The following TBC1D5 variants were observed in gnomAD, a reference collection of about 807,000 sequenced individuals.
The protein encoded by TBC1D5 is TBC1 domain family member 5, also known as TBC1 domain family, member 5.
TBC1D5 carries 75 observed loss-of-function variants against 100.3 expected under a neutral mutation model. The ratio of observed to expected loss-of-function variants is 0.75; its 90% CI spans 0.62 to 0.91. The LOEUF is 0.91. TBC1D5 is among the 40% of genes least tolerant of loss of function. TBC1D5 has a pLI of 0.00. For missense variants in TBC1D5, 910 were observed against 942.4 expected (o/e 0.97, Z 0.45); for synonymous variants, 323 against 325.6 (o/e 0.99, Z 0.09).
At chr3:17,541,623 A>G (rs931809674) in intron 2 of TBC1D5, among the ~76,000 whole-genome samples, 7 of 152,230 alleles carry the variant, frequency 4.6e-5, no homozygotes, top group Non-Finnish European at 1.0e-4. Flanking sequence ...GTAAGACTAC[A>G]TATCATCTGT....
intron 3 of TBC1D5, among the ~76,000 whole-genome samples, chr3:17,498,995 T>C (rs1576372477): frequency 2.6e-5 from 4 of 152,092 alleles, no homozygotes; most frequent in Admixed American, 2.6e-4. Context: ...CTACTTTGGT[T>C]GGGGGGTGGC....
intron 1 of TBC1D5, among the ~76,000 whole-genome samples, chr3:17,657,610 C>G (rs2066218842): frequency 6.6e-6 from 1 of 152,168 alleles, no homozygotes; most frequent in Non-Finnish European, 1.5e-5. Flanking sequence ...GCTGGGATTA[C>G]AGGCGTGAGC....
intron 14 of TBC1D5, among the ~76,000 whole-genome samples, chr3:17,297,783 TCCCACTACGTTGC>T (rs1041871521): frequency 6.8e-6 from 1 of 147,574 alleles, no homozygotes; most frequent in Admixed American, 6.9e-5. Context: ...GAGACGGGGG[TCCCACTACGTTGC>T]CCAGGCTGGT....
chr3:17,224,589 T>C (rs1057114338), intron 17 of TBC1D5, among the ~76,000 whole-genome samples: 1 of 152,004 alleles, frequency 6.6e-6, no homozygotes, highest in African/African-American at 2.4e-5. Flanking sequence ...AGCAAGGGTA[T>C]AAACTAACGA....
At chr3:17,490,089 A>C (rs1482117807) in intron 3 of TBC1D5, among the ~76,000 whole-genome samples, 1 of 152,086 alleles carries the variant, frequency 6.6e-6, no homozygotes, top group African/African-American at 2.4e-5. Flanking sequence ...GCATTTCTCT[A>C]ATGATCAATG....
rs565808265 is a variant in TBC1D5 at position 17,214,366 on chromosome 3, T to C, written c.1593A>G (p.Leu531=). Reference sequence around the variant, plus strand: ...GAGATGAACTGATGTTTTTAGAACTTAGCCCTGTAAGAAAAATTAAGTAGC... The same window carrying C: ...GAGATGAACTGATGTTTTTAGAACTCAGCCCTGTAAGAAAAATTAAGTAGC... Residue 531 remains leucine, a synonymous_variant, in exon 18 of 22, where the codon CTA becomes CTG. Transcript: ENST00000253692. 6 of 1,610,862 alleles carry C rather than the reference T, an allele frequency of 3.7e-6. No homozygotes were observed. The African/African-American group carries it at 5.3e-5, about 14-fold the overall frequency.
At chr3:17,193,924 G>C (rs1456548002) in intron 18 of TBC1D5, among the ~76,000 whole-genome samples, 1 of 152,178 alleles carries the variant, frequency 6.6e-6, no homozygotes, top group Middle Eastern at 3.2e-3. Context: ...GGATATATTT[G>C]AAGCTTGCTT....
At chr3:17,729,142 A>G (rs1465755925) in intron 1 of TBC1D5, among the ~76,000 whole-genome samples, 1 of 151,872 alleles carries the variant, frequency 6.6e-6, no homozygotes, top group African/African-American at 2.4e-5. Context: ...AAAAACAATG[A>G]TTTACAACAC....
intron 4 of TBC1D5, among the ~76,000 whole-genome samples, chr3:17,418,768 G>C (rs570765181): frequency 4.3e-4 from 65 of 152,262 alleles, no homozygotes; most frequent in African/African-American, 1.5e-3. Context: ...TCATAGGTAA[G>C]GGCATAATTT....
At chr3:17,350,111 A>T (rs1281492667) in intron 13 of TBC1D5, among the ~76,000 whole-genome samples, 1 of 152,176 alleles carries the variant, frequency 6.6e-6, no homozygotes, top group Non-Finnish European at 1.5e-5. Flanking sequence ...TATGGAGCTG[A>T]AGCTAATCGT....
chr3:17,722,437 G>T (rs543368552), intron 1 of TBC1D5, among the ~76,000 whole-genome samples: 1 of 152,048 alleles, frequency 6.6e-6, no homozygotes, highest in South Asian at 2.1e-4. Context: ...ACAATATTTT[G>T]TGCATAAAAC....
intron 1 of TBC1D5, among the ~76,000 whole-genome samples, chr3:17,689,705 A>T (rs888453735): frequency 6.6e-6 from 1 of 152,174 alleles, no homozygotes; most frequent in African/African-American, 2.4e-5. Context: ...ATCATACAGG[A>T]ATACAATAGT....
At chr3:17,684,869 G>A (rs2070033291) in intron 1 of TBC1D5, among the ~76,000 whole-genome samples, 1 of 151,924 alleles carries the variant, frequency 6.6e-6, no homozygotes, top group Non-Finnish European at 1.5e-5. Context: ...AAATTTATTC[G>A]TCAAGAATCC....
intron 3 of TBC1D5, among the ~76,000 whole-genome samples, chr3:17,435,331 T>C (rs1213019077): frequency 6.6e-6 from 1 of 152,192 alleles, no homozygotes; most frequent in Non-Finnish European, 1.5e-5. Context: ...TAGTACCTTA[T>C]CACATTGCTA....
intron 3 of TBC1D5, among the ~76,000 whole-genome samples, chr3:17,435,548 A>G (rs764943689): frequency 6.6e-6 from 1 of 152,190 alleles, no homozygotes. Flanking sequence ...GTGAGAACTC[A>G]CATAATATCA....
chr3:17,407,568 C>A (rs1262665482), intron 4 of TBC1D5, among the ~76,000 whole-genome samples: 3 of 152,124 alleles, frequency 2.0e-5, no homozygotes, highest in Admixed American at 6.6e-5. Context: ...ACTGGCCAGA[C>A]CCTACTTATT....
intron 3 of TBC1D5, among the ~76,000 whole-genome samples, chr3:17,471,670 CAAA>C (rs753132440): frequency 9.0e-5 from 2 of 22,288 alleles, no homozygotes; most frequent in Non-Finnish European, 1.9e-4. Flanking sequence ...GACTCCGTCT[CAAA>C]AAAAAAAAAA....
rs561770400 is a variant in TBC1D5, at chr3:17,532,951, C to T, written c.-35-24346G>A. Among the ~76,000 whole-genome samples, 523 of 151,548 alleles carry T rather than the reference C, an allele frequency of 3.5e-3. 4 individuals carry two copies. The highest frequency in any genetic ancestry group is 6.1e-3 in the Non-Finnish European group (411 of 67,916). ...TGTATACATATGTAACAAACCTGCACGTTGTGCACATGTACCCTAAAACTT... is the reference window on the plus strand; with the variant it reads ...TGTATACATATGTAACAAACCTGCATGTTGTGCACATGTACCCTAAAACTT... On this transcript the variant is annotated intron_variant, in intron 2 of 21. Coordinates refer to ENST00000253692, the Ensembl canonical transcript of TBC1D5.
intron 8 of TBC1D5, among the ~76,000 whole-genome samples, chr3:17,396,794 A>T (rs780056704): frequency 2.0e-5 from 3 of 152,160 alleles, no homozygotes; most frequent in Admixed American, 6.6e-5. Flanking sequence ...TGTTTCACAG[A>T]GGCCATATCT....
Sources: allele counts gnomAD v4.1 joint callset (sites outside exome capture counted in the v4.1 genomes callset), GRCh38; gene constraint gnomAD v4.1.1; transcripts MANE v1.5; gene names NCBI Gene and HGNC (gene_info 2026-07-23, HGNC 2026-07-21).